The following KIF2A variants were observed in gnomAD, a reference collection of about 807,000 sequenced individuals.
The protein encoded by KIF2A is kinesin-like protein KIF2A.
Under a neutral mutation model 100.2 loss-of-function variants are expected in KIF2A, and 22 were observed. The observed-to-expected ratio is 0.22, with a 90% CI of 0.16 to 0.31. KIF2A has a LOEUF of 0.31. KIF2A is among the 10% of genes least tolerant of loss of function. The pLI is 1.00. For missense variants in KIF2A, 495 were observed against 898.7 expected, an observed-to-expected ratio of 0.55 and a Z score of 5.74; for synonymous variants, 268 against 285.9, an observed-to-expected ratio of 0.94 and a Z score of 0.63.
At chr5:62,343,112 CCT>C (rs1350694580) in intron 1 of KIF2A, among the ~76,000 whole-genome samples, 1 of 152,180 alleles carries the variant, frequency 6.6e-6, no homozygotes, top group Non-Finnish European at 1.5e-5. Flanking sequence ...TAGCAGTAAA[CCT>C]CTTGTACTCC....
intron 1 of KIF2A, among the ~76,000 whole-genome samples, chr5:62,346,726 C>T (rs1459063409): frequency 7.9e-5 from 12 of 152,092 alleles, no homozygotes; most frequent in African/African-American, 2.7e-4. Flanking sequence ...GGTAACAGAG[C>T]GAGACTGTCT....
At position 62,387,191 on chromosome 5, in the gene KIF2A, GAGATAATTTACTTC is replaced by G. The variant is rs1431259898; in HGVS notation, c.*1625_*1638del. 6.6e-6 allele frequency: 1 copy of G among 152,182 alleles called. No homozygotes were observed. The highest frequency in any genetic ancestry group is 2.4e-5 in the African/African-American group (1 of 41,452). 9.4% of individuals were successfully genotyped at this position (152,182 alleles called of 1,614,324 possible). ...AATGAAGTCTATGGAATAAGTTTTA[GAGATAATTTACTTC>G]AGTCACCTTTGTTTTGGAAAGGACT... is the stretch of plus-strand genomic sequence containing the variant. On this transcript the variant is annotated 3_prime_UTR_variant, in exon 21 of 21. Coordinates refer to ENST00000407818, the MANE Select transcript of KIF2A (RefSeq NM_001098511.3).
chr5:62,390,656 C>G lies in KIF2A; in HGVS notation c.*5087C>G, dbSNP rs1447761392. Among the ~76,000 whole-genome samples the G allele has an allele frequency of 6.6e-6, 1 of 152,154 alleles. No homozygotes were observed. Among genetic ancestry groups the G allele is most frequent in the Non-Finnish European group, 1.5e-5 (1 of 68,036 alleles). ...CATTAACACAAAGGCAATCTTCTGG[C>G]TCGGACTGTTCTTTACTACTGTTCT... On this transcript the variant is annotated 3_prime_UTR_variant, in exon 21 of 21. Coordinates refer to ENST00000407818, the MANE Select transcript of KIF2A (RefSeq NM_001098511.3).
intron 19 of KIF2A, among the ~76,000 whole-genome samples, chr5:62,378,311 C>T (rs1580100598): frequency 6.6e-6 from 1 of 152,156 alleles, no homozygotes; most frequent in South Asian, 2.1e-4. Flanking sequence ...TGATACTCTA[C>T]TCCCCTTTTT....
At chr5:62,361,355 A>G (rs770326599) in intron 10 of KIF2A, 23 bp downstream of exon 10, 2 of 1,541,046 alleles carry the variant, frequency 1.3e-6, no homozygotes, top group Non-Finnish European at 1.8e-6. Context: ...TTAAAGTTAC[A>G]TTCTGGTACG....
At chr5:62,336,652 G>T (rs1278811320) in intron 1 of KIF2A, among the ~76,000 whole-genome samples, 1 of 152,212 alleles carries the variant, frequency 6.6e-6, no homozygotes, top group African/African-American at 2.4e-5. Context: ...TTCTGGGAAA[G>T]AAATGTGTAG....
In KIF2A at chr5:62,347,227, A is replaced by T; in HGVS notation, c.159+3A>T. On this transcript the variant is annotated splice_donor_region_variant and intron_variant, in intron 2 of 20. Coordinates refer to ENST00000407818, the MANE Select transcript of KIF2A (RefSeq NM_001098511.3). The stretch of plus-strand genomic sequence containing the variant: ...ATGGAGATACAAAAGGCAAAGAGGT[A>T]AGATCACTGAGTTTAATTTTATTCC... The T allele has an allele frequency of 6.7e-7, 1 of 1,482,112 alleles. No individual in the cohort carries two copies. The highest frequency in any genetic ancestry group is 9.3e-7 in the Non-Finnish European group (1 of 1,070,532). 91.8% of individuals were successfully genotyped at this position (1,482,112 alleles called of 1,614,324 possible).
chr5:62,376,476 A>C (rs1167658828), intron 18 of KIF2A, among the ~76,000 whole-genome samples: 1 of 151,828 alleles, frequency 6.6e-6, no homozygotes, highest in East Asian at 1.9e-4. Context: ...CTGGAGTGCA[A>C]TGGCACGATC....
chr5:62,353,364 A>G lies in KIF2A; in HGVS notation c.547A>G (p.Lys183Glu). The G allele has an allele frequency of 6.5e-7, 1 of 1,547,624 alleles. No individual in the cohort carries two copies. Reference sequence around the variant, plus strand: ...ATTGCAACAGCAAGAACTTAGAGAAAAAAGAGCCCAGGTTCGTAACATAAA... The same window carrying G: ...ATTGCAACAGCAAGAACTTAGAGAAGAAAGAGCCCAGGTTCGTAACATAAA... ...RRLQQQELRE[K>E]RAQDVDATNP... The change falls in exon 6 of 21, where the codon AAA becomes GAA. Residue 183 changes from lysine (K) to glutamate (E), a missense_variant. Physicochemically the swap from Lys to Glu is moderately conservative, Grantham distance 56. This residue lies in a region of KIF2A where 109 missense variants were observed against 244.2 expected (regional missense o/e 0.45). Coordinates refer to ENST00000407818, the MANE Select transcript of KIF2A (RefSeq NM_001098511.3).
chr5:62,384,441 T>G (rs751102090), intron 20 of KIF2A, among the ~76,000 whole-genome samples: 8 of 149,968 alleles, frequency 5.3e-5, no homozygotes, highest in Admixed American at 2.0e-4. Flanking sequence ...CATTTGGGGC[T>G]AGGCCTTTCT....
chr5:62,355,290 T>C, intron 7 of KIF2A, 36 bp downstream of exon 7: 3 of 1,044,690 alleles, frequency 2.9e-6, no homozygotes, highest in South Asian at 2.8e-5. Flanking sequence ...CTGGAACTTT[T>C]TATGCTTCAA....
intron 1 of KIF2A, among the ~76,000 whole-genome samples, chr5:62,315,100 G>A (rs547286937): frequency 7.4e-4 from 113 of 152,008 alleles, no homozygotes; most frequent in Non-Finnish European, 1.4e-3. Flanking sequence ...TCACAGGGTC[G>A]TGTGTGGAAT....
At chr5:62,375,755 G>A (rs529768828) in intron 18 of KIF2A, among the ~76,000 whole-genome samples, 73 of 152,278 alleles carry the variant, frequency 4.8e-4, no homozygotes, top group Admixed American at 2.1e-3. Flanking sequence ...AAAGCAAAAT[G>A]TATGGATATT....
chr5:62,338,220 A>G (rs910733671), intron 1 of KIF2A, among the ~76,000 whole-genome samples: 8 of 152,226 alleles, frequency 5.3e-5, no homozygotes, highest in Non-Finnish European at 1.2e-4. Flanking sequence ...GGTCCTGGAA[A>G]GGAAATTGTG....
At chr5:62,310,116 C>T (rs1446901134) in intron 1 of KIF2A, among the ~76,000 whole-genome samples, 1 of 142,234 alleles carries the variant, frequency 7.0e-6, no homozygotes, top group Non-Finnish European at 1.5e-5. Context: ...GTCAGTGGTG[C>T]GATCTCCGCT....
At chr5:62,374,252 C>T (rs1004402805) in intron 18 of KIF2A, among the ~76,000 whole-genome samples, 1 of 152,154 alleles carries the variant, frequency 6.6e-6, no homozygotes, top group African/African-American at 2.4e-5. Flanking sequence ...CAGCAAACTA[C>T]AGCCTGTGGG....
intron 5 of KIF2A, chr5:62,353,069 T>G: frequency 2.2e-6 from 1 of 449,320 alleles, no homozygotes; most frequent in South Asian, 4.7e-5. Context: ...TATGTTTGAG[T>G]CATTTTTCTG....
At chr5:62,306,673 G>T (rs1579987158) in intron 1 of KIF2A, 137 bp downstream of exon 1, 2 of 665,374 alleles carry the variant, frequency 3.0e-6, no homozygotes, top group East Asian at 6.4e-5. Context: ...CGGCGCTTTT[G>T]TGTGTGGCGT....
At chr5:62,316,042 C>G (rs908753695) in intron 1 of KIF2A, among the ~76,000 whole-genome samples, 2 of 152,110 alleles carry the variant, frequency 1.3e-5, no homozygotes, top group African/African-American at 4.8e-5. Context: ...TAACGCTGTT[C>G]AAGAATACAG....
Sources: allele counts gnomAD v4.1 joint callset (sites outside exome capture counted in the v4.1 genomes callset), GRCh38; gene constraint gnomAD v4.1.1; regional missense constraint gnomAD v4.1.1; transcripts MANE v1.5; gene names NCBI Gene and HGNC (gene_info 2026-07-23, HGNC 2026-07-21).